The following DPYSL3 variants were observed in gnomAD, a reference collection of about 807,000 sequenced individuals.
DPYSL3 encodes dihydropyrimidinase-related protein 3.
A neutral mutation model predicts 66.1 loss-of-function variants in DPYSL3; 16 were observed. The ratio of observed to expected loss-of-function variants is 0.24; its 90% CI spans 0.16 to 0.37. The LOEUF is 0.37. Among genes scored for constraint, DPYSL3 ranks in the 10% least tolerant of loss-of-function variants. The pLI is 1.00. For synonymous variants in DPYSL3, 338 were observed against 345.1 expected (o/e 0.98, Z 0.23); for missense variants, 738 against 916.2 (o/e 0.81, Z 2.51).
intron 1 of DPYSL3, among the ~76,000 whole-genome samples, chr5:147,500,714 G>T (rs1435069852): frequency 2.6e-5 from 4 of 151,326 alleles, no homozygotes; most frequent in Non-Finnish European, 4.4e-5. Flanking sequence ...CATAAGAAAA[G>T]ATGTTCCATA....
At chr5:147,447,895 A>G (rs1301309126) in intron 1 of DPYSL3, among the ~76,000 whole-genome samples, 2 of 152,208 alleles carry the variant, frequency 1.3e-5, no homozygotes, top group East Asian at 3.8e-4. Context: ...GTAATGACAT[A>G]TTCAAATTTC....
At chr5:147,468,825 T>C (rs1753045030) in intron 1 of DPYSL3, among the ~76,000 whole-genome samples, 10 of 152,224 alleles carry the variant, frequency 6.6e-5, no homozygotes. Flanking sequence ...GCTGCACCCA[T>C]TACCTAATGT....
intron 1 of DPYSL3, among the ~76,000 whole-genome samples, chr5:147,473,771 T>C (rs1753117072): frequency 6.6e-6 from 1 of 152,140 alleles, no homozygotes; most frequent in Admixed American, 6.5e-5. Context: ...TTCTAAGCAG[T>C]TGGAAATTCA....
chr5:147,455,458 G>A (rs1319779069), intron 1 of DPYSL3, among the ~76,000 whole-genome samples: 2 of 152,152 alleles, frequency 1.3e-5, no homozygotes, highest in Non-Finnish European at 1.5e-5. Context: ...AAAACACAAG[G>A]GGGAATAAAA....
chr5:147,487,285 C>G (rs1357775071), intron 1 of DPYSL3, among the ~76,000 whole-genome samples: 11 of 152,156 alleles, frequency 7.2e-5, no homozygotes. Flanking sequence ...TTTGCATTCT[C>G]TAAATATCTT....
chr5:147,397,961 A>C, intron 11 of DPYSL3, 116 bp from the exon 12 acceptor site: 1 of 1,094,364 alleles, frequency 9.1e-7, no homozygotes, highest in Admixed American at 2.9e-5. Flanking sequence ...AGCCAGGAAA[A>C]GCTCACCATG....
At chr5:147,491,504 C>T (rs970843566) in intron 1 of DPYSL3, among the ~76,000 whole-genome samples, 2 of 152,046 alleles carry the variant, frequency 1.3e-5, no homozygotes, top group Non-Finnish European at 2.9e-5. Context: ...GGCATTTAGA[C>T]ACACTATGAA....
chr5:147,434,537 G>T (rs533937240), intron 1 of DPYSL3, among the ~76,000 whole-genome samples: 16 of 152,202 alleles, frequency 1.1e-4, no homozygotes, highest in African/African-American at 3.6e-4. Context: ...TTATTCTAAG[G>T]GTAAACGAGT....
chr5:147,488,114 G>A (rs1266300343), intron 1 of DPYSL3, among the ~76,000 whole-genome samples: 1 of 152,120 alleles, frequency 6.6e-6, no homozygotes, highest in Non-Finnish European at 1.5e-5. Flanking sequence ...GGCAGGATGT[G>A]GGAATAGTAT....
intron 1 of DPYSL3, among the ~76,000 whole-genome samples, chr5:147,436,513 G>A (rs1422292452): frequency 6.6e-6 from 1 of 152,202 alleles, no homozygotes; most frequent in Non-Finnish European, 1.5e-5. Context: ...ATTGGATGTT[G>A]TAGAAGGAAA....
chr5:147,397,674 G>A lies in DPYSL3; in HGVS notation c.1795C>T (p.Arg599Trp), dbSNP rs747491194. The A allele has an allele frequency of 1.4e-5, 22 of 1,613,320 alleles. No homozygotes were observed. Among genetic ancestry groups the A allele is most frequent in the East Asian group, 6.7e-5 (3 of 44,870 alleles). ...GCTCCAATGCTTTTTACCTTCCTCC[G>A]TGCTTTAATGCGCTTGTAGACATAG... The part of the protein sequence containing the change: ...SDYVYKRIKA[R>W]RKMADLHAVP... The change falls in exon 12 of 14, where the codon CGG (arginine) becomes TGG (tryptophan). Residue 599 changes from arginine (R) to tryptophan (W), a missense_variant. Transcript: ENST00000343218.
chr5:147,453,906 G>C (rs1752796597), intron 1 of DPYSL3: 3 of 407,776 alleles, frequency 7.4e-6, no homozygotes, highest in Non-Finnish European at 1.2e-5. Flanking sequence ...TGGCTGATCT[G>C]CGACTCCTCC....
intron 8 of DPYSL3, among the ~76,000 whole-genome samples, chr5:147,402,956 C>A (rs1459249003): frequency 5.3e-5 from 8 of 152,190 alleles, no homozygotes; most frequent in African/African-American, 1.9e-4. Flanking sequence ...CAGCCCTGCA[C>A]TTCTTTAACT....
At chr5:147,495,847 G>C (rs964626374) in intron 1 of DPYSL3, among the ~76,000 whole-genome samples, 3 of 152,076 alleles carry the variant, frequency 2.0e-5, no homozygotes, top group African/African-American at 4.8e-5. Context: ...AGATTCAATG[G>C]CATCCTCATC....
intron 10 of DPYSL3, among the ~76,000 whole-genome samples, chr5:147,399,912 C>G (rs1246305287): frequency 6.6e-6 from 1 of 152,138 alleles, no homozygotes; most frequent in Non-Finnish European, 1.5e-5. Context: ...TCCCTCTTTT[C>G]AAACCAAAAA....
intron 1 of DPYSL3, among the ~76,000 whole-genome samples, chr5:147,433,904 C>T (rs1388019379): frequency 6.6e-6 from 1 of 152,150 alleles, no homozygotes; most frequent in South Asian, 2.1e-4. Context: ...TGGTGGCATC[C>T]CTGTAATCCC....
intron 2 of DPYSL3, 50 bp downstream of exon 2, chr5:147,424,825 A>T: frequency 7.5e-7 from 1 of 1,332,614 alleles, no homozygotes; most frequent in African/African-American, 1.5e-5. Flanking sequence ...ATGAGCCATT[A>T]ATGAAGGAGG....
In DPYSL3 at chr5:147,436,799, C is replaced by T. The variant is rs1160670322; in HGVS notation, c.382-11836G>A. Among the ~76,000 whole-genome samples, 5 of 152,258 alleles carry T rather than the reference C, an allele frequency of 3.3e-5. No individual in the cohort carries two copies. In the South Asian group the frequency reaches 6.2e-4, roughly 19 times the overall value. ...GAAGGGAAAGTGACGCAGATGCAGACGTGCCAAACCAGACTGAGTTTTAAA... is the reference window on the plus strand; with the variant it reads ...GAAGGGAAAGTGACGCAGATGCAGATGTGCCAAACCAGACTGAGTTTTAAA... On this transcript the variant is annotated intron_variant, in intron 1 of 13. Transcript: ENST00000343218.
rs77233552 is a variant in DPYSL3 at position 147,498,836 on chromosome 5, C to T, written c.381+10642G>A. ...CATTTGTTTAAGTTCCTTATAGATGCTGGATATTAGACCTTTGTTTTCCAT... is the reference window on the plus strand; with the variant it reads ...CATTTGTTTAAGTTCCTTATAGATGTTGGATATTAGACCTTTGTTTTCCAT... On this transcript the variant is annotated intron_variant, in intron 1 of 13. Transcript: ENST00000343218. Among the ~76,000 whole-genome samples the T allele has an allele frequency of 6.3e-3, 962 of 152,178 alleles. 15 individuals are homozygous for T. The highest frequency in any genetic ancestry group is 0.022 in the African/African-American group (930 of 41,528).
Sources: gnomAD v4.1 joint callset for allele counts (sites outside exome capture counted in the v4.1 genomes callset) on GRCh38, gnomAD v4.1.1 for gene constraint, MANE v1.5 for transcripts, NCBI Gene and HGNC (gene_info 2026-07-23, HGNC 2026-07-21) for gene names.